The following ARHGAP27 variants were observed in gnomAD, a reference collection of about 807,000 sequenced individuals.
ARHGAP27 encodes Rho GTPase activating protein 27, also known as rho GTPase-activating protein 27.
Under a neutral mutation model 102.0 loss-of-function variants are expected in ARHGAP27, and 53 were observed. That is an observed-to-expected ratio of 0.52 (90% CI 0.42 to 0.65). The LOEUF is 0.65. Ranked by LOEUF, ARHGAP27 falls within the 30% of genes least tolerant of loss-of-function variation. The pLI is 0.00. For missense variants in ARHGAP27, 1,117 were observed against 1,256.2 expected, an observed-to-expected ratio of 0.89 and a Z score of 1.68; for synonymous variants, 525 against 542.8, an observed-to-expected ratio of 0.97 and a Z score of 0.46.
chr17:45,431,853 C>G (rs772298575), intron 2 of ARHGAP27, 101 bp from the exon 3 acceptor site: 27 of 175,672 alleles, frequency 1.5e-4, no homozygotes, highest in Non-Finnish European at 2.2e-4. Flanking sequence ...CTGAATGCCT[C>G]TGCTGGGGAC....
Position 45,429,864 on chromosome 17 carries a change from A to T in ARHGAP27, c.416T>A (p.Leu139Gln). 1 of 1,324,412 alleles carries T rather than the reference A, an allele frequency of 7.6e-7. No individual in the cohort carries two copies. Among genetic ancestry groups the T allele is most frequent in the Non-Finnish European group, 9.6e-7 (1 of 1,042,920 alleles). The allele number at this position is 1,324,412 out of a possible 1,614,324, so 82.0% of individuals were successfully genotyped here. The change falls in exon 4 of 20, where the codon CTG (leucine) becomes CAG (glutamine). Residue 139 changes from leucine (L) to glutamine (Q), a missense_variant. Leu to Gln is a moderately radical substitution (Grantham distance 113). Around this residue, in one of 3 missense-constraint regions of ARHGAP27, gnomAD observed 610 missense variants for 716.4 expected, o/e 0.85. Transcript: ENST00000685559. ...ATQRSSLAPGLPACLYLRPAA... is the reference protein window; with the variant it reads ...ATQRSSLAPGQPACLYLRPAA... ...GGGCCGCAGGTACAGGCAGGCTGGC[A>T]GGCCGGGCGCCAGGCTGCTGCGCTG...
intron 10 of ARHGAP27, 50 bp from the exon 11 acceptor site, chr17:45,403,759 G>A (rs1395484359): frequency 2.7e-6 from 4 of 1,490,894 alleles, no homozygotes; most frequent in Non-Finnish European, 3.7e-6. Context: ...TTTGGTCCTG[G>A]GCTGAGGGCC....
Position 45,430,580 on chromosome 17 carries a change from G to A in ARHGAP27, c.-18-283C>T, listed in dbSNP as rs2049981839. 6.6e-6 allele frequency among the ~76,000 whole-genome samples: 1 copy of A among 152,186 alleles called. No individual in the cohort carries two copies. Among genetic ancestry groups the A allele is most frequent in the Non-Finnish European group, 1.5e-5 (1 of 68,024 alleles). The stretch of plus-strand genomic sequence containing the variant: ...CGGTGGGGAGATTGTGGGTAGTCTT[G>A]GTCCAAATCGACTGCGAGGGAAGCC... On this transcript the variant is annotated intron_variant, in intron 3 of 19. Coordinates refer to ENST00000685559, the MANE Select transcript of ARHGAP27 (RefSeq NM_001282290.2). This position sits in a 1 kb window ranked among gnomAD's most constrained non-coding sequence, Gnocchi z 4.4.
At chr17:45,411,754 AC>A (rs1399148912) in intron 4 of ARHGAP27, among the ~76,000 whole-genome samples, 1 of 151,304 alleles carries the variant, frequency 6.6e-6, no homozygotes, top group Non-Finnish European at 1.5e-5. Context: ...CACACACCTG[AC>A]CCATCTCTCT....
chr17:45,422,152 C>T (rs568973277), intron 4 of ARHGAP27, among the ~76,000 whole-genome samples: 30 of 151,456 alleles, frequency 2.0e-4, no homozygotes, highest in Non-Finnish European at 8.8e-5. Context: ...AGTGACACAG[C>T]GAGACTCCAT....
chr17:45,396,651 C>G lies in ARHGAP27; in HGVS notation c.2074+17G>C, dbSNP rs757753044. The G allele has an allele frequency of 3.7e-6, 6 of 1,613,078 alleles. No homozygotes were observed. The Admixed American group carries it at 5.0e-5, about 13-fold the overall frequency. On this transcript the variant is annotated intron_variant, in intron 15 of 19. Transcript: ENST00000685559. ...CGTCCCGGTCCCGGGTCCCCGCCCC[C>G]CGCAGGCCTCGGGTACCTTTGATGT...
At chr17:45,415,838 GAC>G (rs2048394563) in intron 4 of ARHGAP27, among the ~76,000 whole-genome samples, 1 of 152,192 alleles carries the variant, frequency 6.6e-6, no homozygotes, top group Admixed American at 6.5e-5. Flanking sequence ...AGATTGAAGA[GAC>G]AGCCAGATAC....
chr17:45,402,807 G>A lies in ARHGAP27; in HGVS notation c.1650C>T (p.Ser550=), dbSNP rs2046604512. 5 of 1,613,238 alleles carry A rather than the reference G, an allele frequency of 3.1e-6. No individual in the cohort carries two copies. Among genetic ancestry groups the A allele is most frequent in the Middle Eastern group, 1.7e-4 (1 of 6,060 alleles). The change falls in exon 12 of 20, where the codon TCC becomes TCT. Residue 550 remains serine (S), a synonymous_variant. Coordinates refer to ENST00000685559, the MANE Select transcript of ARHGAP27 (RefSeq NM_001282290.2). ...TSAAGGLRQP[S]KFSTPEYTVE... ...CTGTGTACTCAGGGGTGGAAAACTT[G>A]GAAGGCTGCCTCTGTGGGAGAGGGA...
rs1474399266 is a variant in ARHGAP27 at position 45,430,266 on chromosome 17, A to G, written c.14T>C (p.Val5Ala). The change falls in exon 4 of 20, where the codon GTG (valine) becomes GCG (alanine). Residue 5 changes from valine to alanine, a missense_variant. Coordinates refer to ENST00000685559, the MANE Select transcript of ARHGAP27 (RefSeq NM_001282290.2). The surrounding 1 kb of genome is among the most constrained non-coding windows in gnomAD (Gnocchi z 4.4). ...CACCAGCACGTACACGTCCCCCACC[A>G]CGTCCGCCGCCATCGCAGCCGCGGC... MAAD[V>A]VGDVYVLVEH... is the part of the protein sequence containing the mutation. The G allele has an allele frequency of 1.3e-6, 2 of 1,575,968 alleles. No homozygotes were observed. The highest frequency in any genetic ancestry group is 8.5e-7 in the Non-Finnish European group (1 of 1,169,626).
intron 6 of ARHGAP27, 53 bp downstream of exon 6, chr17:45,404,871 G>C: frequency 1.2e-6 from 2 of 1,612,158 alleles, no homozygotes; most frequent in South Asian, 2.2e-5. Context: ...TAGTGAGGAA[G>C]GTTGTGGGGA....
At chr17:45,418,063 C>A (rs911573825) in intron 4 of ARHGAP27, among the ~76,000 whole-genome samples, 1 of 145,900 alleles carries the variant, frequency 6.9e-6, no homozygotes, top group African/African-American at 2.5e-5. Flanking sequence ...AATTTTTTTA[C>A]TTTTCTTCAT....
chr17:45,404,809 C>T, intron 6 of ARHGAP27, 115 bp downstream of exon 6: 2 of 1,532,170 alleles, frequency 1.3e-6, no homozygotes, highest in Non-Finnish European at 1.8e-6. Flanking sequence ...CTGTGTTTGG[C>T]TGGTTTAGGC....
chr17:45,425,550 G>A, intron 4 of ARHGAP27: 2 of 985,274 alleles, frequency 2.0e-6, no homozygotes, highest in East Asian at 1.1e-4. Flanking sequence ...AGTCCCCCAG[G>A]GGCGAGGACT....
chr17:45,403,690 A>G lies in ARHGAP27; in HGVS notation c.1567T>C (p.Ser523Pro). 6.2e-7 allele frequency: 1 copy of G among 1,613,430 alleles called. No individual in the cohort carries two copies. Among genetic ancestry groups the G allele is most frequent in the East Asian group, 2.2e-5 (1 of 44,876 alleles). The change falls in exon 11 of 20, where the codon TCC becomes CCC. Residue 523 changes from serine (S) to proline (P), a missense_variant. Physicochemically the swap from Ser to Pro is moderately conservative, Grantham distance 74 (BLOSUM62 -1). Transcript: ENST00000685559. ...KRLRKKHWSA[S>P]WTVLEGGVLT... ...ACGCCACCCTCCAGCACAGTCCAGG[A>G]GGCACTCCAGTGCTTCTTCCTAGGT...
chr17:45,396,140 G>T, intron 17 of ARHGAP27, 23 bp from the exon 18 acceptor site: 2 of 1,602,854 alleles, frequency 1.2e-6, no homozygotes, highest in Non-Finnish European at 1.7e-6. Context: ...AAGGGAGGAG[G>T]ACGGAAGGGA....
At chr17:45,421,472 C>A (rs905485888) in intron 4 of ARHGAP27, among the ~76,000 whole-genome samples, 2 of 151,716 alleles carry the variant, frequency 1.3e-5, no homozygotes, top group African/African-American at 4.8e-5. Context: ...GCACAGTAGA[C>A]CCTGTCTCAA....
chr17:45,424,990 T>C (rs766565860), intron 4 of ARHGAP27, among the ~76,000 whole-genome samples: 1 of 74,790 alleles, frequency 1.3e-5, no homozygotes, highest in Non-Finnish European at 2.4e-5. Flanking sequence ...GAAGAGATCA[T>C]GGGGCCTGCA....
chr17:45,397,784 A>G, intron 13 of ARHGAP27, 165 bp downstream of exon 13: 1 of 513,952 alleles, frequency 1.9e-6, no homozygotes, highest in Non-Finnish European at 3.3e-6. Flanking sequence ...ACAGACTTAC[A>G]GAAGGCAGTT....
intron 4 of ARHGAP27, chr17:45,429,255 T>G (rs529958775): frequency 1.8e-6 from 1 of 553,814 alleles, no homozygotes; most frequent in Non-Finnish European, 2.9e-6. Context: ...CAGCAGGGCT[T>G]GGGGCAGCAG....
Sources: allele counts gnomAD v4.1 joint callset (sites outside exome capture counted in the v4.1 genomes callset), GRCh38; gene constraint gnomAD v4.1.1; regional missense constraint gnomAD v4.1.1; non-coding constraint Gnocchi (gnomAD v3.1); transcripts MANE v1.5; gene names NCBI Gene and HGNC (gene_info 2026-07-23, HGNC 2026-07-21).